FLT1: variants seen among roughly 807,000 people sequenced by gnomAD.
FLT1 encodes fms related receptor tyrosine kinase 1.
In FLT1, 49 loss-of-function variants were observed where a neutral mutation model predicts 156.3. The ratio of observed to expected loss-of-function variants is 0.31; its 90% CI spans 0.25 to 0.40. The LOEUF (loss-of-function observed/expected upper bound fraction) is 0.40. Ranked by LOEUF, FLT1 falls within the 10% of genes least tolerant of loss-of-function variation. The pLI is 1.00. For synonymous variants in FLT1, 594 were observed against 583.8 expected (o/e 1.02, Z -0.25); for missense variants, 1,322 against 1,637.2 (o/e 0.81, Z 3.32).
At chr13:28,400,430 A>G (rs565183605) in intron 11 of FLT1, among the ~76,000 whole-genome samples, 1 of 152,334 alleles carries the variant, frequency 6.6e-6, no homozygotes, top group South Asian at 2.1e-4. Context: ...TCATTTCTAG[A>G]GTACTTCTCT....
intron 3 of FLT1, 121 bp downstream of exon 3, chr13:28,466,782 C>A: frequency 1.3e-6 from 1 of 751,514 alleles, no homozygotes. Context: ...AGGATGGAAT[C>A]TCTTTCCTAA....
At chr13:28,448,015 A>G (rs996555192) in intron 3 of FLT1, among the ~76,000 whole-genome samples, 1 of 152,220 alleles carries the variant, frequency 6.6e-6, no homozygotes. Flanking sequence ...AAAGATACTT[A>G]ACATCATAAG....
At chr13:28,467,445 C>A (rs533228194) in intron 2 of FLT1, 76 bp downstream of exon 2, 6 of 1,006,566 alleles carry the variant, frequency 6.0e-6, no homozygotes, top group East Asian at 5.1e-5. Context: ...AGGTCCCTAC[C>A]TTTTTACTCT....
intron 23 of FLT1, among the ~76,000 whole-genome samples, chr13:28,319,777 C>A (rs1309128698): frequency 6.6e-6 from 1 of 152,216 alleles, no homozygotes; most frequent in Non-Finnish European, 1.5e-5. Flanking sequence ...ATGTGTTCAG[C>A]ATGTCCTTAT....
At chr13:28,359,940 G>C (rs148359531) in intron 14 of FLT1, among the ~76,000 whole-genome samples, 2 of 152,082 alleles carry the variant, frequency 1.3e-5, no homozygotes, top group East Asian at 3.9e-4. Context: ...ATGAAACCCA[G>C]TCTCTACTAA....
At chr13:28,320,486 G>C (rs1239614414) in intron 23 of FLT1, among the ~76,000 whole-genome samples, 1 of 151,758 alleles carries the variant, frequency 6.6e-6, no homozygotes, top group African/African-American at 2.4e-5. Context: ...GGACAGCTTT[G>C]AATGCAGCCC....
At chr13:28,440,713 G>A (rs1878290694) in intron 3 of FLT1, among the ~76,000 whole-genome samples, 1 of 152,036 alleles carries the variant, frequency 6.6e-6, no homozygotes, top group East Asian at 1.9e-4. Context: ...GAGACCTTGG[G>A]GAAATCATTA....
At chr13:28,307,525 G>A (rs1009432859) in intron 28 of FLT1, among the ~76,000 whole-genome samples, 18 of 152,046 alleles carry the variant, frequency 1.2e-4, no homozygotes, top group African/African-American at 4.1e-4. Context: ...AAAAAAATGT[G>A]CCAAGCAGTC....
intron 3 of FLT1, among the ~76,000 whole-genome samples, chr13:28,449,615 C>T (rs1219558205): frequency 1.3e-5 from 2 of 152,174 alleles, no homozygotes; most frequent in South Asian, 2.1e-4. Context: ...CAGACACTTA[C>T]ATGTTACACA....
At chr13:28,311,970 G>T in intron 26 of FLT1, 23 bp downstream of exon 26, 3 of 1,474,698 alleles carry the variant, frequency 2.0e-6, no homozygotes, top group South Asian at 1.1e-5. Flanking sequence ...AAGGCATTTT[G>T]ATGTAAATAA....
chr13:28,405,898 T>C lies in FLT1; in HGVS notation c.1437-4A>G, dbSNP rs764887979. The C allele has an allele frequency of 6.5e-7, 1 of 1,531,016 alleles. No individual in the cohort carries two copies. The highest frequency in any genetic ancestry group is 1.4e-5 in the African/African-American group (1 of 72,226). The allele number at this position is 1,531,016 out of a possible 1,614,324, so 94.8% of individuals were successfully genotyped here. ...ATTATTGGAACAAAAGTCACACCTA[T>C]TAAAAAAAAAAGTTGTCACAATGTG... On this transcript the variant is annotated splice_region_variant and splice_polypyrimidine_tract_variant and intron_variant, in intron 10 of 29. Transcript: ENST00000282397.
chr13:28,446,810 T>C (rs1023188264), intron 3 of FLT1, among the ~76,000 whole-genome samples: 1 of 152,194 alleles, frequency 6.6e-6, no homozygotes, highest in Non-Finnish European at 1.5e-5. Flanking sequence ...AAAATTCATA[T>C]GAAATTGCAA....
At chr13:28,353,693 G>A (rs1872806392) in intron 15 of FLT1, among the ~76,000 whole-genome samples, 1 of 152,034 alleles carries the variant, frequency 6.6e-6, no homozygotes, top group African/African-American at 2.4e-5. Flanking sequence ...CAGGGCTACT[G>A]AGCGCTATGT....
chr13:28,433,625 G>T (rs1031473901), intron 6 of FLT1, among the ~76,000 whole-genome samples, 194 bp downstream of exon 6: 1 of 152,048 alleles, frequency 6.6e-6, no homozygotes, highest in Non-Finnish European at 1.5e-5. Flanking sequence ...GACATCAAAA[G>T]ACAGTATCTA....
intron 20 of FLT1, among the ~76,000 whole-genome samples, chr13:28,326,901 A>G (rs1340827741): frequency 1.3e-5 from 2 of 152,172 alleles, no homozygotes; most frequent in Non-Finnish European, 2.9e-5. Flanking sequence ...CTTTTATTTA[A>G]TAAGGCTGGT....
At position 28,302,846 on chromosome 13, in the gene FLT1, T is replaced by C. The variant is rs1870567941; in HGVS notation, c.*321A>G. The C allele has an allele frequency of 4.6e-6, 2 of 439,078 alleles. No homozygotes were observed. The highest frequency in any genetic ancestry group is 3.6e-5 in the Admixed American group (1 of 27,400). The allele number at this position is 439,078 out of a possible 1,614,324, so 27.2% of individuals were successfully genotyped here. ...TGATGCATTGGGTGATCAGTGCAGC[T>C]CCTCAATCAAACTGGTCCTGCGTGC... On this transcript the variant is annotated 3_prime_UTR_variant, in exon 30 of 30. Coordinates refer to ENST00000282397, the MANE Select transcript of FLT1 (RefSeq NM_002019.4).
chr13:28,432,688 A>C (rs1877767419), intron 6 of FLT1, among the ~76,000 whole-genome samples: 1 of 152,220 alleles, frequency 6.6e-6, no homozygotes, highest in South Asian at 2.1e-4. Context: ...AATACGGGAT[A>C]TTTCCATCAC....
chr13:28,492,007 T>C (rs1238780174), intron 1 of FLT1, among the ~76,000 whole-genome samples: 3 of 152,226 alleles, frequency 2.0e-5, no homozygotes, highest in East Asian at 1.9e-4. Context: ...TGTAACATGA[T>C]GCTTCAGTTG....
chr13:28,488,079 A>G (rs2137668772), intron 1 of FLT1, among the ~76,000 whole-genome samples: 1 of 152,036 alleles, frequency 6.6e-6, no homozygotes, highest in Middle Eastern at 3.4e-3. Flanking sequence ...CACACACGTC[A>G]AAGTTCATCA....
Sources: gnomAD v4.1 joint callset for allele counts (sites outside exome capture counted in the v4.1 genomes callset) on GRCh38, gnomAD v4.1.1 for gene constraint, MANE v1.5 for transcripts, NCBI Gene and HGNC (gene_info 2026-07-23, HGNC 2026-07-21) for gene names.